SCAF11: variants seen among roughly 807,000 people sequenced by gnomAD.
SCAF11 encodes protein SCAF11.
A neutral mutation model predicts 140.5 loss-of-function variants in SCAF11; 47 were observed. The ratio of observed to expected loss-of-function variants is 0.33; its 90% CI spans 0.26 to 0.43. The LOEUF is 0.43. Among genes scored for constraint, SCAF11 ranks in the 20% least tolerant of loss-of-function variants. SCAF11 has a pLI of 1.00. For synonymous variants in SCAF11, 557 were observed against 579.4 expected (o/e 0.96, Z 0.55); for missense variants, 1,645 against 1,705.1 (o/e 0.96, Z 0.62).
chr12:45,944,998 T>C lies in SCAF11; in HGVS notation c.463+251A>G, dbSNP rs1344839234. ...GTATGAGCTGGTCAACACCAAGAAA[T>C]TGTGAAACACTCTTTTCTCCCAACA... On this transcript the variant is annotated intron_variant, in intron 6 of 14. Transcript: ENST00000369367. 40 of 452,488 alleles carry C rather than the reference T, an allele frequency of 8.8e-5. No homozygotes were observed. The East Asian group carries it at 1.7e-3, about 19-fold the overall frequency. 28.0% of individuals were successfully genotyped at this position (452,488 alleles called of 1,614,324 possible).
chr12:45,924,508 T>C (rs1944799104), intron 12 of SCAF11, among the ~76,000 whole-genome samples: 1 of 152,202 alleles, frequency 6.6e-6, no homozygotes, highest in Non-Finnish European at 1.5e-5. Flanking sequence ...AGCATATATG[T>C]AGCTTGGATT....
intron 1 of SCAF11, 97 bp from the exon 2 acceptor site, chr12:45,964,285 T>A (rs913805099): frequency 4.6e-6 from 3 of 646,866 alleles, no homozygotes; most frequent in Non-Finnish European, 2.6e-6. Flanking sequence ...ATTTTACACA[T>A]AAAAGAACAC....
chr12:45,946,498 G>T (rs1214305451), intron 5 of SCAF11, among the ~76,000 whole-genome samples: 1 of 152,180 alleles, frequency 6.6e-6, no homozygotes, highest in Non-Finnish European at 1.5e-5. Flanking sequence ...ATTTCCTTAT[G>T]ACAAATCTCA....
rs572065273 is a variant in SCAF11, at chr12:45,990,531, G to T, written c.-200C>A. 326 of 1,231,878 alleles carry T rather than the reference G, an allele frequency of 2.6e-4. 1 individual carries two copies. In the African/African-American group the frequency reaches 4.6e-3, roughly 17 times the overall value. 76.3% of individuals were successfully genotyped at this position (1,231,878 alleles called of 1,614,324 possible). A position where few individuals can be genotyped will look rare whatever the true frequency, so the allele number is the denominator to read the frequency against. On this transcript the variant is annotated 5_prime_UTR_variant, in exon 1 of 15. Transcript: ENST00000369367. Reference sequence around the variant, plus strand: ...CGGAGGCGGCGGCGAAGCAGGGAGCGACCCAGGTTGCGCTGCTCCGCGCGG... The same window carrying T: ...CGGAGGCGGCGGCGAAGCAGGGAGCTACCCAGGTTGCGCTGCTCCGCGCGG...
At chr12:45,980,007 G>A (rs937647472) in intron 1 of SCAF11, among the ~76,000 whole-genome samples, 3 of 151,982 alleles carry the variant, frequency 2.0e-5, no homozygotes, top group South Asian at 2.1e-4. Context: ...TTGTGTAAGC[G>A]TTTCATATTA....
At position 45,925,072 on chromosome 12, in the gene SCAF11, A is replaced by C; in HGVS notation, c.3562T>G (p.Ser1188Ala). 1 of 1,594,520 alleles carries C rather than the reference A, an allele frequency of 6.3e-7. No homozygotes were observed. The highest frequency in any genetic ancestry group is 1.1e-5 in the South Asian group (1 of 89,582). The change falls in exon 12 of 15, where the codon TCT becomes GCT. Residue 1188 changes from serine to alanine, a missense_variant and splice_region_variant. By Grantham distance (99) the Ser-to-Ala change is moderately conservative (BLOSUM62 1). Transcript: ENST00000369367. Reference protein sequence around the residue: ...KQEEETSGQDSSLKDQTNQQV... With the variant: ...KQEEETSGQDASLKDQTNQQV... Reference sequence around the variant, plus strand: ...TGGTTTGTTTGGTCTTTTAGGCTAGAATCTATCAAAAGAAAAAAAGCTTGT... The same window carrying C: ...TGGTTTGTTTGGTCTTTTAGGCTAGCATCTATCAAAAGAAAAAAAGCTTGT...
chr12:45,969,338 A>G (rs771648682), intron 1 of SCAF11, among the ~76,000 whole-genome samples: 15 of 151,742 alleles, frequency 9.9e-5, no homozygotes, highest in Non-Finnish European at 1.9e-4. Context: ...CTTTCCTTCT[A>G]TTTTTTTTCT....
intron 1 of SCAF11, among the ~76,000 whole-genome samples, chr12:45,969,490 T>C (rs1946026011): frequency 6.6e-6 from 1 of 152,228 alleles, no homozygotes; most frequent in African/African-American, 2.4e-5. Flanking sequence ...TCCTGGTTAA[T>C]ACTACAAACT....
intron 4 of SCAF11, among the ~76,000 whole-genome samples, chr12:45,949,277 T>C (rs1592192299): frequency 6.6e-6 from 1 of 152,154 alleles, no homozygotes; most frequent in East Asian, 1.9e-4. Context: ...GCTTGGAATG[T>C]GGCTCGTCTA....
chr12:45,979,207 C>T (rs1401426015), intron 1 of SCAF11, among the ~76,000 whole-genome samples: 1 of 149,886 alleles, frequency 6.7e-6, no homozygotes, highest in Admixed American at 6.6e-5. Flanking sequence ...GAGGGCAGAG[C>T]CCTCACAGCC....
In SCAF11 at chr12:45,989,732, T is replaced by C. The variant is rs1241451549; in HGVS notation, c.-22+621A>G. 2.4e-4 allele frequency among the ~76,000 whole-genome samples: 37 copies of C among 151,926 alleles called. 1 individual carries two copies. Among genetic ancestry groups the C allele is most frequent in the Non-Finnish European group, 1.5e-5 (1 of 67,956 alleles). On this transcript the variant is annotated intron_variant, in intron 1 of 14. Coordinates refer to ENST00000369367, the MANE Select transcript of SCAF11 (RefSeq NM_004719.3). Reference sequence around the variant, plus strand: ...ATTTAAAACACTGGGGGTGGATGAGTAGTTTGAAGTTCAGATCAAGGAGTG... The same window carrying C: ...ATTTAAAACACTGGGGGTGGATGAGCAGTTTGAAGTTCAGATCAAGGAGTG...
chr12:45,925,195 C>T (rs943151394), intron 11 of SCAF11, 121 bp from the exon 12 acceptor site: 1 of 649,376 alleles, frequency 1.5e-6, no homozygotes, highest in Non-Finnish European at 2.6e-6. Flanking sequence ...TATACCAATA[C>T]CAATCTCCAA....
chr12:45,940,548 G>A (rs1009096507), intron 6 of SCAF11, among the ~76,000 whole-genome samples: 4 of 152,072 alleles, frequency 2.6e-5, no homozygotes, highest in African/African-American at 7.2e-5. Context: ...ATGTGATCTC[G>A]GACAAGACAT....
In SCAF11 at chr12:45,973,185, C is replaced by T. The variant is rs1946153512; in HGVS notation, c.-21-8997G>A. Among the ~76,000 whole-genome samples the T allele has an allele frequency of 3.3e-5, 5 of 150,450 alleles. No homozygotes were observed. The South Asian group carries it at 1.0e-3, about 31-fold the overall frequency. On this transcript the variant is annotated intron_variant, in intron 1 of 14. Transcript: ENST00000369367. Reference sequence around the variant, plus strand: ...CGGAAATAAAAATACACTGAATAGACTCAACAGAAGAATGGAAATAAAAGA... The same window carrying T: ...CGGAAATAAAAATACACTGAATAGATTCAACAGAAGAATGGAAATAAAAGA...
intron 1 of SCAF11, among the ~76,000 whole-genome samples, chr12:45,971,419 A>G (rs1267558088): frequency 6.6e-6 from 1 of 152,236 alleles, no homozygotes; most frequent in Non-Finnish European, 1.5e-5. Context: ...GAATGAATGG[A>G]GCAGCTATAT....
intron 3 of SCAF11, among the ~76,000 whole-genome samples, chr12:45,957,900 C>T (rs1565679959): frequency 6.6e-6 from 1 of 151,920 alleles, no homozygotes; most frequent in East Asian, 1.9e-4. Flanking sequence ...CCTACTTTCT[C>T]TCTTTTTTTT....
Position 45,990,523 on chromosome 12 carries a change from C to A in SCAF11, c.-192G>T, listed in dbSNP as rs141457242. 5.7e-5 allele frequency: 70 copies of A among 1,232,004 alleles called. No individual in the cohort carries two copies. In the East Asian group the frequency reaches 2.1e-3, roughly 38 times the overall value. 76.3% of individuals were successfully genotyped at this position (1,232,004 alleles called of 1,614,324 possible). On this transcript the variant is annotated 5_prime_UTR_variant, in exon 1 of 15. Transcript: ENST00000369367. Reference sequence around the variant, plus strand: ...GCTCGGTCCGGAGGCGGCGGCGAAGCAGGGAGCGACCCAGGTTGCGCTGCT... The same window carrying A: ...GCTCGGTCCGGAGGCGGCGGCGAAGAAGGGAGCGACCCAGGTTGCGCTGCT...
chr12:45,963,327 G>A (rs749869544), intron 2 of SCAF11, among the ~76,000 whole-genome samples: 11 of 151,722 alleles, frequency 7.3e-5, no homozygotes, highest in African/African-American at 1.5e-4. Flanking sequence ...TATCAAAGAC[G>A]AAACCAAGAC....
intron 6 of SCAF11, among the ~76,000 whole-genome samples, chr12:45,944,651 C>T (rs1188541698): frequency 6.6e-6 from 1 of 152,132 alleles, no homozygotes; most frequent in African/African-American, 2.4e-5. Flanking sequence ...GGAGGAGTCA[C>T]AAAGAACTAT....
Sources: gnomAD v4.1 joint callset for allele counts (sites outside exome capture counted in the v4.1 genomes callset) on GRCh38, gnomAD v4.1.1 for gene constraint, MANE v1.5 for transcripts, NCBI Gene and HGNC (gene_info 2026-07-23, HGNC 2026-07-21) for gene names.